SAMMSON: variants seen among roughly 807,000 people sequenced by gnomAD.
The protein encoded by SAMMSON is long intergenic non-protein coding RNA 1212.
intron 3 of SAMMSON, among the ~76,000 whole-genome samples, chr3:70,053,515 G>C (rs552379632): frequency 6.6e-6 from 1 of 152,202 alleles, no homozygotes; most frequent in East Asian, 1.9e-4. Context: ...TTCCTTGACT[G>C]AGCTCCCACA....
At chr3:70,261,273 AAG>A (rs1701863771) in intron 6 of SAMMSON, among the ~76,000 whole-genome samples, 1 of 152,318 alleles carries the variant, frequency 6.6e-6, no homozygotes, top group South Asian at 2.1e-4. Context: ...TATCTCTTTT[AAG>A]AGAGTTAGTG....
rs773089476 is a variant in SAMMSON at position 70,376,076 on chromosome 3, A to AAT, written n.914-13496_914-13495dup. ...TGGAGGTTTTAACCTGCATTTATTG[A>AAT]ATACCTAGTGTTCCAATCTTTCATT... On this transcript the variant is annotated intron_variant and non_coding_transcript_variant, in intron 9 of 9. Transcript: ENST00000642114. Among the ~76,000 whole-genome samples the AAT allele has an allele frequency of 9.6e-4, 146 of 152,286 alleles. No individual in the cohort carries two copies. The Middle Eastern group carries it at 0.01, about 11-fold the overall frequency.
Position 70,286,826 on chromosome 3 carries a change from G to A in SAMMSON, n.675-4353G>A, listed in dbSNP as rs183393133. On this transcript the variant is annotated intron_variant and non_coding_transcript_variant, in intron 6 of 9. Coordinates refer to ENST00000642114, the Ensembl canonical transcript of SAMMSON. ...ATTTTATTCTCTTTGAAGCAATTGC[G>A]AATGAGAGTTCTCATGATTTGGCTC... is the stretch of plus-strand genomic sequence containing the variant. 2.3e-3 allele frequency among the ~76,000 whole-genome samples: 346 copies of A among 152,188 alleles called. 2 individuals are homozygous for A. The highest frequency in any genetic ancestry group is 8.0e-3 in the African/African-American group (334 of 41,516).
At chr3:70,375,530 G>C (rs1157502164) in intron 9 of SAMMSON, among the ~76,000 whole-genome samples, 2 of 151,936 alleles carry the variant, frequency 1.3e-5, no homozygotes, top group Admixed American at 6.6e-5. Context: ...GAGTTGGGAG[G>C]GGGTAAGGGC....
At chr3:70,338,260 T>G (rs1702681968) in intron 7 of SAMMSON, among the ~76,000 whole-genome samples, 1 of 152,050 alleles carries the variant, frequency 6.6e-6, no homozygotes, top group Non-Finnish European at 1.5e-5. Context: ...ATCTTTATTC[T>G]TTCTTTTCTT....
intron 6 of SAMMSON, among the ~76,000 whole-genome samples, chr3:70,256,913 A>C (rs1242032190): frequency 1.3e-5 from 2 of 152,184 alleles, no homozygotes; most frequent in Non-Finnish European, 2.9e-5. Context: ...ACATGTTCTC[A>C]CTTCCCTGGG....
rs1702836986 is a variant in SAMMSON, at chr3:70,357,363, G to A, written n.843-891G>A. Among the ~76,000 whole-genome samples, 2 of 152,088 alleles carry A rather than the reference G, an allele frequency of 1.3e-5. 1 individual carries two copies. The highest frequency in any genetic ancestry group is 4.1e-4 in the South Asian group (2 of 4,828). On this transcript the variant is annotated intron_variant and non_coding_transcript_variant, in intron 8 of 9. Coordinates refer to ENST00000642114, the Ensembl canonical transcript of SAMMSON. ...GATACAAAGCTTTTGGTAAGCAGTG[G>A]TTTCTAGACAGAATTTACTAACATA...
intron 4 of SAMMSON, among the ~76,000 whole-genome samples, chr3:70,229,842 A>T (rs6549300): frequency 1 from 151,716 of 152,286 alleles, 75,577 homozygotes; most frequent in East Asian, 1. Flanking sequence ...TCAATATTTG[A>T]AACAGCTACT....
intron 2 of SAMMSON, among the ~76,000 whole-genome samples, chr3:70,402,901 C>A (rs536814324): frequency 9.2e-5 from 14 of 151,650 alleles, no homozygotes; most frequent in South Asian, 2.1e-4. Context: ...ATATATATCT[C>A]TCTCTACCAT....
intron 4 of SAMMSON, among the ~76,000 whole-genome samples, chr3:70,113,985 T>TA (rs2067400000): frequency 6.6e-6 from 1 of 152,178 alleles, no homozygotes; most frequent in African/African-American, 2.4e-5. Flanking sequence ...AACTGTGAGA[T>TA]ATAAATATCT....
chr3:70,099,374 C>T (rs1010502369), intron 4 of SAMMSON, among the ~76,000 whole-genome samples: 3 of 152,104 alleles, frequency 2.0e-5, no homozygotes, highest in East Asian at 3.9e-4. Flanking sequence ...TTTGATTGCA[C>T]TCGGTATTGT....
chr3:70,339,895 C>A (rs1702697539), intron 7 of SAMMSON, among the ~76,000 whole-genome samples: 2 of 152,136 alleles, frequency 1.3e-5, no homozygotes, highest in South Asian at 4.1e-4. Context: ...CCAGCCATCC[C>A]ATTACTGGGT....
intron 6 of SAMMSON, among the ~76,000 whole-genome samples, chr3:70,280,184 G>T (rs1575614042): frequency 6.6e-6 from 1 of 152,092 alleles, no homozygotes; most frequent in East Asian, 1.9e-4. Context: ...TGTCCCCATG[G>T]TTGTATCATC....
chr3:70,101,276 A>T (rs1393838482), intron 4 of SAMMSON, among the ~76,000 whole-genome samples: 1 of 152,180 alleles, frequency 6.6e-6, no homozygotes, highest in East Asian at 1.9e-4. Context: ...AAAACCATAC[A>T]TATTATAATA....
chr3:70,044,947 ATACTT>A (rs978290423), intron 3 of SAMMSON, among the ~76,000 whole-genome samples: 7 of 141,352 alleles, frequency 5.0e-5, no homozygotes, highest in Admixed American at 2.9e-4. Flanking sequence ...ATAAGGTAAA[ATACTT>A]TAATTATATT....
At chr3:70,240,269 C>T (rs1701653993) in intron 4 of SAMMSON, among the ~76,000 whole-genome samples, 1 of 151,726 alleles carries the variant, frequency 6.6e-6, no homozygotes. Context: ...ATCAGCTTTT[C>T]CTATATTATC....
chr3:70,159,945 A>G (rs1349302887), intron 4 of SAMMSON, among the ~76,000 whole-genome samples: 2 of 152,096 alleles, frequency 1.3e-5, no homozygotes, highest in Admixed American at 1.3e-4. Context: ...AACGATGTTA[A>G]AGAGCTTTAC....
chr3:70,116,595 A>G (rs1318558680), intron 4 of SAMMSON, among the ~76,000 whole-genome samples: 2 of 152,100 alleles, frequency 1.3e-5, no homozygotes, highest in African/African-American at 4.8e-5. Flanking sequence ...ATATCATATT[A>G]TCAGTATTTC....
chr3:70,070,538 A>G (rs1324974866), intron 3 of SAMMSON, among the ~76,000 whole-genome samples: 5 of 152,024 alleles, frequency 3.3e-5, no homozygotes, highest in South Asian at 4.1e-4. Context: ...TTATGTTTTA[A>G]TGGAATATTA....
Sources: allele counts gnomAD v4.1 joint callset (sites outside exome capture counted in the v4.1 genomes callset), GRCh38; gene constraint gnomAD v4.1.1; transcripts MANE v1.5; gene names NCBI Gene and HGNC (gene_info 2026-07-23, HGNC 2026-07-21).